Variants in FBXL20 observed in about 807,000 individuals in gnomAD.
The protein encoded by FBXL20 is F-box/LRR-repeat protein 20.
A neutral mutation model predicts 64.0 loss-of-function variants in FBXL20; 11 were observed. The observed-to-expected ratio is 0.17, with a 90% CI of 0.11 to 0.28. FBXL20 has a LOEUF of 0.28. Among genes scored for constraint, FBXL20 ranks in the 10% least tolerant of loss-of-function variants. FBXL20 has a pLI of 1.00. For missense variants in FBXL20, 303 were observed against 526.2 expected, an observed-to-expected ratio of 0.58 and a Z score of 4.15; for synonymous variants, 184 against 189.0, an observed-to-expected ratio of 0.97 and a Z score of 0.22.
intron 2 of FBXL20, among the ~76,000 whole-genome samples, chr17:39,332,099 A>C (rs188114392): frequency 1.4e-4 from 22 of 152,332 alleles, no homozygotes; most frequent in Admixed American, 1.4e-3. Context: ...CCATGTTCTT[A>C]ACTATTAATG....
chr17:39,272,775 G>T (rs1191944665), intron 10 of FBXL20, among the ~76,000 whole-genome samples: 1 of 151,368 alleles, frequency 6.6e-6, no homozygotes, highest in Non-Finnish European at 1.5e-5. Flanking sequence ...GCTACCTAAT[G>T]GGAAAACACG....
intron 1 of FBXL20, among the ~76,000 whole-genome samples, chr17:39,353,800 T>C (rs2144596344): frequency 6.6e-6 from 1 of 152,028 alleles, no homozygotes. Context: ...TTTTTGTATT[T>C]TTAGTAGAGA....
intron 8 of FBXL20, 37 bp downstream of exon 8, chr17:39,282,692 T>C: frequency 6.2e-7 from 1 of 1,613,780 alleles, no homozygotes; most frequent in South Asian, 1.1e-5. Context: ...TCATTCACGA[T>C]TCTTCCGAAT....
chr17:39,383,646 G>C (rs2144660222), intron 1 of FBXL20, among the ~76,000 whole-genome samples: 1 of 147,208 alleles, frequency 6.8e-6, no homozygotes, highest in South Asian at 2.1e-4. Context: ...CTGGAGTGCA[G>C]TGGCGCGATC....
chr17:39,280,401 C>CAAA, intron 9 of FBXL20, among the ~76,000 whole-genome samples: 1 of 100,360 alleles, frequency 1.0e-5, no homozygotes, highest in Non-Finnish European at 1.9e-5. Flanking sequence ...GACTCTGTCT[C>CAAA]AAAAAAAAAA....
intron 2 of FBXL20, among the ~76,000 whole-genome samples, chr17:39,321,365 G>A (rs956994342): frequency 6.6e-6 from 1 of 151,046 alleles, no homozygotes; most frequent in Non-Finnish European, 1.5e-5. Context: ...GGCAGGAGTT[G>A]GAGGTTGAAC....
chr17:39,363,820 A>AAAACAAAAAACAAAAAAC (rs1555612715), intron 1 of FBXL20, among the ~76,000 whole-genome samples: 21 of 104,028 alleles, frequency 2.0e-4, no homozygotes, highest in African/African-American at 9.8e-4. Context: ...CAAAAAAAAA[A>AAAACAAAAAACAAAAAAC]AAAAAACAAA....
intron 1 of FBXL20, among the ~76,000 whole-genome samples, chr17:39,394,907 A>G (rs2048168341): frequency 6.6e-6 from 1 of 152,174 alleles, no homozygotes. Context: ...AGTTTCTAGT[A>G]TGTTACTAGT....
At chr17:39,267,479 A>C (rs1253472522) in intron 12 of FBXL20, among the ~76,000 whole-genome samples, 1 of 152,168 alleles carries the variant, frequency 6.6e-6, no homozygotes, top group Admixed American at 6.6e-5. Context: ...CAGAGAAAGG[A>C]ATCAGAAGAT....
intron 2 of FBXL20, among the ~76,000 whole-genome samples, chr17:39,307,398 T>C (rs552649236): frequency 2.0e-4 from 31 of 152,226 alleles, no homozygotes; most frequent in Middle Eastern, 3.4e-3. Flanking sequence ...AGGAAACAGA[T>C]TGCCAAGATC....
chr17:39,402,482 G>T, upstream of FBXL20: 2 of 344,226 alleles, frequency 5.8e-6, no homozygotes, highest in Non-Finnish European at 1.0e-5. Context: ...GAGGCCGGGG[G>T]TCGGGGGTGC....
intron 2 of FBXL20, among the ~76,000 whole-genome samples, chr17:39,317,677 GTTTTTTTTTTTGTTTTTTTTTTTGTTTTT>G (rs572866168): frequency 0.39 from 45,398 of 115,064 alleles, 7,998 homozygotes; most frequent in African/African-American, 0.52. Context: ...GTTTGACTTT[GTTTTTTTTTTTGTTTTTTTTTTTGTTTTT>G]TTTTTTTTTT....
At chr17:39,271,712 A>G (rs1455064788) in intron 10 of FBXL20, among the ~76,000 whole-genome samples, 1 of 151,444 alleles carries the variant, frequency 6.6e-6, no homozygotes, top group Non-Finnish European at 1.5e-5. Flanking sequence ...ACAGGCTCCC[A>G]TGGAGGCCCA....
chr17:39,380,172 A>G lies in FBXL20; in HGVS notation c.42+21189T>C, dbSNP rs114901579. On this transcript the variant is annotated intron_variant, in intron 1 of 14. Transcript: ENST00000264658. ...CTACACAAAACAAGAGTGATACTCA[A>G]TATGAGTTATATCACGTTCCTCTTC... 9.2e-3 allele frequency among the ~76,000 whole-genome samples: 1,398 copies of G among 152,202 alleles called. 18 individuals carry two copies. Among genetic ancestry groups the G allele is most frequent in the African/African-American group, 0.032 (1,322 of 41,548 alleles).
At chr17:39,372,916 C>T (rs1045361986) in intron 1 of FBXL20, among the ~76,000 whole-genome samples, 2 of 152,084 alleles carry the variant, frequency 1.3e-5, no homozygotes, top group East Asian at 1.9e-4. Flanking sequence ...TGAGCCACTG[C>T]GCCCAGCCTG....
intron 6 of FBXL20, among the ~76,000 whole-genome samples, chr17:39,291,152 G>A (rs944444983): frequency 4.0e-5 from 6 of 151,216 alleles, no homozygotes; most frequent in African/African-American, 1.2e-4. Flanking sequence ...TAGTAGAGAC[G>A]GGGTTTCACC....
intron 2 of FBXL20, among the ~76,000 whole-genome samples, chr17:39,308,127 G>A (rs933058273): frequency 3.4e-4 from 51 of 151,462 alleles, no homozygotes; most frequent in Admixed American, 1.5e-3. Context: ...GATCACTTGC[G>A]GCCAAAAGTT....
intron 7 of FBXL20, among the ~76,000 whole-genome samples, chr17:39,283,488 T>G (rs934911705): frequency 6.6e-6 from 1 of 151,796 alleles, no homozygotes; most frequent in African/African-American, 2.4e-5. Context: ...CAGGCTGGAG[T>G]GCAGTGGCGC....
chr17:39,316,680 A>T (rs921387021), intron 2 of FBXL20, among the ~76,000 whole-genome samples: 9 of 152,238 alleles, frequency 5.9e-5, no homozygotes, highest in Non-Finnish European at 1.0e-4. Flanking sequence ...AAATTAATAA[A>T]CTGAAGTTTA....
Sources: allele counts gnomAD v4.1 joint callset (sites outside exome capture counted in the v4.1 genomes callset), GRCh38; gene constraint gnomAD v4.1.1; transcripts MANE v1.5; gene names NCBI Gene and HGNC (gene_info 2026-07-23, HGNC 2026-07-21).